CACNA1B: variants seen among roughly 807,000 people sequenced by gnomAD.
The protein encoded by CACNA1B is calcium voltage-gated channel subunit alpha1 B.
A neutral mutation model predicts 247.2 loss-of-function variants in CACNA1B; 70 were observed. The ratio of observed to expected loss-of-function variants is 0.28; its 90% CI spans 0.23 to 0.35. CACNA1B has a LOEUF of 0.35. Ranked by LOEUF, CACNA1B falls within the 10% of genes least tolerant of loss-of-function variation. The pLI, the probability that CACNA1B is intolerant of heterozygous loss-of-function variation, is 1.00. For missense variants in CACNA1B, 2,367 were observed against 3,197.4 expected (o/e 0.74, Z 6.26); for synonymous variants, 1,231 against 1,294.4 (o/e 0.95, Z 1.05).
chr9:137,955,441 G>A lies in CACNA1B; in HGVS notation c.1071-257G>A, dbSNP rs1392619888. 5.3e-5 allele frequency among the ~76,000 whole-genome samples: 8 copies of A among 152,186 alleles called. No individual in the cohort carries two copies. In the East Asian group the frequency reaches 1.2e-3, roughly 22 times the overall value. On this transcript the variant is annotated intron_variant, in intron 7 of 46. Coordinates refer to ENST00000371372, the MANE Select transcript of CACNA1B (RefSeq NM_000718.4). The surrounding 1 kb of genome is among the most constrained non-coding windows in gnomAD (Gnocchi z 6.9). The stretch of plus-strand genomic sequence containing the variant: ...CCAAGGCACCGTCCCTAAGTGCCAC[G>A]GGAGTCTGAGGATGGAGGGCCACCT...
At chr9:138,045,251 T>C (rs1175235932) in intron 21 of CACNA1B, among the ~76,000 whole-genome samples, 1 of 152,022 alleles carries the variant, frequency 6.6e-6, no homozygotes, top group Non-Finnish European at 1.5e-5. Flanking sequence ...GTTGGGGGGT[T>C]GCACCATCCC....
chr9:137,955,849 GC>G lies in CACNA1B; in HGVS notation c.1186+38del, dbSNP rs537435702. On this transcript the variant is annotated intron_variant, in intron 8 of 46. Coordinates refer to ENST00000371372, the MANE Select transcript of CACNA1B (RefSeq NM_000718.4). The surrounding 1 kb of genome is among the most constrained non-coding windows in gnomAD (Gnocchi z 6.9). ...GTGGGAGCCACTGCACTCCTGGCCGGCCACTGTTAGTTCTCTGTCCCCAATT... is the reference window on the plus strand; with the variant it reads ...GTGGGAGCCACTGCACTCCTGGCCGGCACTGTTAGTTCTCTGTCCCCAATT... 4.4e-4 allele frequency: 588 copies of G among 1,349,912 alleles called. 7 individuals are homozygous for G. The East Asian group carries it at 0.014, about 33-fold the overall frequency. The allele number at this position is 1,349,912 out of a possible 1,614,324, so 83.6% of individuals were successfully genotyped here.
intron 3 of CACNA1B, chr9:137,890,087 C>G (rs1168217608): frequency 6.7e-6 from 1 of 149,260 alleles, no homozygotes; most frequent in African/African-American, 2.4e-5. Context: ...TCTCTGGGGT[C>G]TCCGCGTCTC....
intron 6 of CACNA1B, among the ~76,000 whole-genome samples, chr9:137,943,114 T>G (rs1282840320): frequency 6.6e-6 from 1 of 151,112 alleles, no homozygotes; most frequent in African/African-American, 2.4e-5. Context: ...CCAGGTTAAC[T>G]AGGTATTTCA....
chr9:137,971,338 G>C lies in CACNA1B; in HGVS notation c.1334-45G>C. 1 of 1,425,608 alleles carries C rather than the reference G, an allele frequency of 7.0e-7. No homozygotes were observed. Among genetic ancestry groups the C allele is most frequent in the Non-Finnish European group, 9.7e-7 (1 of 1,027,136 alleles). 88.3% of individuals were successfully genotyped at this position (1,425,608 alleles called of 1,614,324 possible). On this transcript the variant is annotated intron_variant, in intron 10 of 46. Coordinates refer to ENST00000371372, the MANE Select transcript of CACNA1B (RefSeq NM_000718.4). This position sits in a 1 kb window ranked among gnomAD's most constrained non-coding sequence, Gnocchi z 4.4. Reference sequence around the variant, plus strand: ...GGGGGTCCACAGGTGGGGTAGGCGGGTGCCCATTGGTCCCCACATCCTCAG... The same window carrying C: ...GGGGGTCCACAGGTGGGGTAGGCGGCTGCCCATTGGTCCCCACATCCTCAG...
intron 21 of CACNA1B, among the ~76,000 whole-genome samples, chr9:138,044,436 G>A (rs1959167820): frequency 6.6e-6 from 1 of 152,260 alleles, no homozygotes; most frequent in African/African-American, 2.4e-5. Context: ...TCCTTGCTAA[G>A]CCTGTGTGCT....
chr9:137,944,217 T>G (rs1489645462), intron 6 of CACNA1B, among the ~76,000 whole-genome samples: 4 of 152,326 alleles, frequency 2.6e-5, no homozygotes, highest in Non-Finnish European at 4.4e-5. Context: ...TGATTTTGAT[T>G]AGTTTGTGGG....
intron 36 of CACNA1B, among the ~76,000 whole-genome samples, chr9:138,081,077 G>T (rs574558098): frequency 6.6e-6 from 1 of 152,304 alleles, no homozygotes; most frequent in South Asian, 2.1e-4. Context: ...TCTCTATACT[G>T]TTCAAAGACA....
intron 6 of CACNA1B, among the ~76,000 whole-genome samples, chr9:137,921,311 G>A (rs1260160261): frequency 7.5e-6 from 1 of 133,054 alleles, no homozygotes; most frequent in Non-Finnish European, 1.7e-5. Context: ...TCAGCACCAC[G>A]GCCGCGCAGC....
intron 13 of CACNA1B, among the ~76,000 whole-genome samples, chr9:137,985,812 C>T (rs150164410): frequency 1.2e-4 from 19 of 152,310 alleles, no homozygotes; most frequent in Middle Eastern, 3.4e-3. Context: ...GAGCAGGGCA[C>T]GGTCACTGCC....
intron 15 of CACNA1B, among the ~76,000 whole-genome samples, chr9:138,000,154 A>T (rs1299121623): frequency 6.7e-6 from 1 of 148,870 alleles, no homozygotes; most frequent in Non-Finnish European, 1.5e-5. Context: ...GCTGGAGTGC[A>T]GTGGTGCGAT....
chr9:137,970,180 C>A (rs561944602), intron 10 of CACNA1B, among the ~76,000 whole-genome samples: 1 of 152,254 alleles, frequency 6.6e-6, no homozygotes, highest in East Asian at 1.9e-4. Context: ...ATGTAGCATA[C>A]ACTGCTCCCC....
At chr9:138,016,351 T>C (rs2133428110) in intron 18 of CACNA1B, among the ~76,000 whole-genome samples, 1 of 152,382 alleles carries the variant, frequency 6.6e-6, no homozygotes, top group African/African-American at 2.4e-5. Context: ...GGGAAATGGC[T>C]GTAAAGGGAG....
At position 138,052,237 on chromosome 9, in the gene CACNA1B, T is replaced by C. The variant is rs1223936263; in HGVS notation, c.3807+49T>C. On this transcript the variant is annotated intron_variant, in intron 25 of 46. Transcript: ENST00000371372. The surrounding 1 kb of genome is among the most constrained non-coding windows in gnomAD (Gnocchi z 5.1). Reference sequence around the variant, plus strand: ...GAGGGATGTGCTGTGTGTGTGTGCGTGTGTGTGTGTGCGTGTGTGTGTGTG... The same window carrying C: ...GAGGGATGTGCTGTGTGTGTGTGCGCGTGTGTGTGTGCGTGTGTGTGTGTG... 1.6e-5 allele frequency: 14 copies of C among 873,264 alleles called. No individual in the cohort carries two copies. The highest frequency in any genetic ancestry group is 4.4e-5 in the South Asian group (3 of 68,354). 54.1% of individuals were successfully genotyped at this position (873,264 alleles called of 1,614,324 possible).
chr9:138,039,864 T>C (rs1375160634), intron 20 of CACNA1B, among the ~76,000 whole-genome samples: 1 of 152,216 alleles, frequency 6.6e-6, no homozygotes, highest in Non-Finnish European at 1.5e-5. Context: ...AAATCAGGTT[T>C]GTTAGTTGTA....
chr9:138,105,329 C>G (rs775102368), intron 38 of CACNA1B, among the ~76,000 whole-genome samples: 1 of 152,180 alleles, frequency 6.6e-6, no homozygotes. Flanking sequence ...GCACAGGGAC[C>G]TCTTCTGTCT....
chr9:138,043,582 G>A (rs192058292), intron 20 of CACNA1B, among the ~76,000 whole-genome samples, 192 bp from the exon 21 acceptor site: 12 of 152,288 alleles, frequency 7.9e-5, no homozygotes, highest in Middle Eastern at 3.4e-3. Context: ...GCGTCTCTGC[G>A]GCAGATGGTG....
chr9:137,903,999 C>G (rs761677182), intron 3 of CACNA1B, among the ~76,000 whole-genome samples: 11 of 152,200 alleles, frequency 7.2e-5, no homozygotes, highest in Non-Finnish European at 1.5e-4. Flanking sequence ...TGCTGATGGG[C>G]TTGGACCGAA....
In CACNA1B at chr9:137,917,966, C is replaced by T. The variant is rs577575088; in HGVS notation, c.966+535C>T. On this transcript the variant is annotated intron_variant, in intron 6 of 46. Coordinates refer to ENST00000371372, the MANE Select transcript of CACNA1B (RefSeq NM_000718.4). This position sits in a 1 kb window ranked among gnomAD's most constrained non-coding sequence, Gnocchi z 5.5. ...GGGACAGTAGGGCTGCTGGGCCTCC[C>T]GTCCCCAGGCTGCCCGGCGAAGGTG... is the stretch of plus-strand genomic sequence containing the variant. 2.0e-5 allele frequency among the ~76,000 whole-genome samples: 3 copies of T among 152,324 alleles called. No homozygotes were observed. Among genetic ancestry groups the T allele is most frequent in the East Asian group, 3.9e-4 (2 of 5,186 alleles).
Sources: allele counts gnomAD v4.1 joint callset (sites outside exome capture counted in the v4.1 genomes callset), GRCh38; gene constraint gnomAD v4.1.1; non-coding constraint Gnocchi (gnomAD v3.1); transcripts MANE v1.5; gene names NCBI Gene and HGNC (gene_info 2026-07-23, HGNC 2026-07-21).